Variants in SPMIP2 observed in about 807,000 individuals in gnomAD.
SPMIP2 encodes the protein sperm microtubule inner protein 2, also known as protein SPMIP2.
chr4:159,020,894 TG>T, the SPMIP2 span, among the ~76,000 whole-genome samples: 2 of 152,166 alleles, frequency 1.3e-5, no homozygotes. Flanking sequence ...CCCGAGTAGC[TG>T]GGACTACAGG....
At chr4:159,072,451 C>CTT in the SPMIP2 span, among the ~76,000 whole-genome samples, 19 of 69,092 alleles carry the variant, frequency 2.7e-4, no homozygotes, top group East Asian at 8.8e-4. Context: ...CTTATGAATT[C>CTT]TTTTTTTTTT....
the SPMIP2 span, among the ~76,000 whole-genome samples, chr4:158,909,965 C>T: frequency 1.3e-5 from 2 of 152,104 alleles, no homozygotes; most frequent in African/African-American, 4.8e-5. Flanking sequence ...TTGTTTGAAC[C>T]TGGGAGGCAG....
the SPMIP2 span, among the ~76,000 whole-genome samples, chr4:158,913,264 G>A: frequency 3.3e-5 from 5 of 152,142 alleles, no homozygotes; most frequent in Non-Finnish European, 7.4e-5. Flanking sequence ...TCTCTGTCAC[G>A]CAGGCTGGAG....
At chr4:159,013,576 G>C in the SPMIP2 span, among the ~76,000 whole-genome samples, 35 of 152,218 alleles carry the variant, frequency 2.3e-4, no homozygotes, top group African/African-American at 6.7e-4. Context: ...AGGAAGGCCT[G>C]ATGCCCCTTC....
chr4:158,894,479 G>A, the SPMIP2 span, among the ~76,000 whole-genome samples: 33 of 152,070 alleles, frequency 2.2e-4, no homozygotes, highest in Non-Finnish European at 4.0e-4. Context: ...GCTAAAAGTT[G>A]TCTAAATGCT....
At chr4:158,952,692 G>T in the SPMIP2 span, among the ~76,000 whole-genome samples, 1 of 152,214 alleles carries the variant, frequency 6.6e-6, no homozygotes, top group Non-Finnish European at 1.5e-5. Context: ...GAGAAAGTTT[G>T]GAACTTCCTA....
chr4:158,895,973 C>T, the SPMIP2 span: 1,977 of 759,396 alleles, frequency 2.6e-3, 15 homozygotes, highest in Middle Eastern at 0.027. Flanking sequence ...CCTGGTAACC[C>T]ATCAAAGTAT....
chr4:159,045,496 C>T, the SPMIP2 span, among the ~76,000 whole-genome samples: 23,361 of 152,080 alleles, frequency 0.15, 1,906 homozygotes, highest in African/African-American at 0.21. Context: ...GGAGAAGAAA[C>T]CCATAGGGCA....
At chr4:158,938,040 C>T in the SPMIP2 span, among the ~76,000 whole-genome samples, 1 of 152,132 alleles carries the variant, frequency 6.6e-6, no homozygotes, top group Non-Finnish European at 1.5e-5. Context: ...TGAAATGGGT[C>T]TGCGTATCTA....
At chr4:158,921,187 C>A in the SPMIP2 span, among the ~76,000 whole-genome samples, 1 of 152,100 alleles carries the variant, frequency 6.6e-6, no homozygotes. Flanking sequence ...GCCTGTAATC[C>A]CAGCACTTTG....
the SPMIP2 span, among the ~76,000 whole-genome samples, chr4:159,016,103 T>C: frequency 6.6e-6 from 1 of 152,192 alleles, no homozygotes; most frequent in Non-Finnish European, 1.5e-5. Flanking sequence ...AAGTTAGAAT[T>C]CGTAATTTTA....
chr4:158,945,194 C>T, the SPMIP2 span, among the ~76,000 whole-genome samples: 1 of 152,208 alleles, frequency 6.6e-6, no homozygotes, highest in Non-Finnish European at 1.5e-5. Flanking sequence ...CACTCCCCCA[C>T]ATCACTGCCC....
the SPMIP2 span, among the ~76,000 whole-genome samples, chr4:159,005,275 C>T: frequency 6.7e-6 from 1 of 148,478 alleles, no homozygotes; most frequent in Non-Finnish European, 1.5e-5. Flanking sequence ...GAAACCCCAT[C>T]TCTACTAAAA....
the SPMIP2 span, among the ~76,000 whole-genome samples, chr4:158,993,579 T>C: frequency 7.7e-4 from 117 of 152,298 alleles, no homozygotes; most frequent in African/African-American, 2.7e-3. Flanking sequence ...GATTTATTCA[T>C]TTATTCAACA....
chr4:158,973,344 C>T, the SPMIP2 span: 6 of 1,339,844 alleles, frequency 4.5e-6, no homozygotes, highest in Non-Finnish European at 6.3e-6. Flanking sequence ...AAAACTTCTC[C>T]ACACTTTATT....
chr4:158,953,566 C>G, the SPMIP2 span, among the ~76,000 whole-genome samples: 1 of 152,188 alleles, frequency 6.6e-6, no homozygotes, highest in East Asian at 1.9e-4. Flanking sequence ...GGGGCACTGC[C>G]TAGTGGAGCT....
chr4:159,003,817 G>A, the SPMIP2 span, among the ~76,000 whole-genome samples: 1 of 152,128 alleles, frequency 6.6e-6, no homozygotes, highest in Admixed American at 6.5e-5. Context: ...TCAGCTAACA[G>A]GGTCAGAATG....
the SPMIP2 span, among the ~76,000 whole-genome samples, chr4:158,940,420 G>T: frequency 5.9e-5 from 9 of 152,236 alleles, no homozygotes; most frequent in Non-Finnish European, 1.0e-4. Flanking sequence ...TTGGGTGGTG[G>T]TGTGTTTTTC....
At chr4:158,985,372 C>CA in the SPMIP2 span, among the ~76,000 whole-genome samples, 1 of 147,340 alleles carries the variant, frequency 6.8e-6, no homozygotes, top group Non-Finnish European at 1.5e-5. Context: ...AACATTGATG[C>CA]AAAAATCCTC....
Sources: gnomAD v4.1 joint callset for allele counts (sites outside exome capture counted in the v4.1 genomes callset) on GRCh38, gnomAD v4.1.1 for gene constraint, MANE v1.5 for transcripts, NCBI Gene and HGNC (gene_info 2026-07-23, HGNC 2026-07-21) for gene names.